CARS1: variants seen among roughly 807,000 people sequenced by gnomAD.
The protein encoded by CARS1 is cysteine--tRNA ligase, cytoplasmic.
In CARS1, 48 loss-of-function variants were observed where a neutral mutation model predicts 106.2. The ratio of observed to expected loss-of-function variants is 0.45; its 90% CI spans 0.36 to 0.57. CARS1 has a LOEUF of 0.57. Ranked by LOEUF, CARS1 falls within the 20% of genes least tolerant of loss-of-function variation. The pLI is 0.00. For synonymous variants in CARS1, 409 were observed against 403.4 expected (o/e 1.01, Z -0.17); for missense variants, 968 against 1,057.2 (o/e 0.92, Z 1.17).
Position 3,034,213 on chromosome 11 carries a change from T to TTTTTG in CARS1, c.801+3832_801+3836dup, listed in dbSNP as rs903058649. On this transcript the variant is annotated intron_variant, in intron 7 of 22. Transcript: ENST00000380525. The surrounding 1 kb of genome is among the most constrained non-coding windows in gnomAD (Gnocchi z 6.3). ...GTTTGTTCTTTTTTTTGTTTTCTGT[T>TTTTTG]TTTTGTTTTGTTTTGTTTTGTTTTT... 1.4e-5 allele frequency among the ~76,000 whole-genome samples: 2 copies of TTTTTG among 142,952 alleles called. No individual in the cohort carries two copies. The highest frequency in any genetic ancestry group is 3.1e-5 in the Non-Finnish European group (2 of 64,130). 93.8% of individuals were successfully genotyped at this position (142,952 alleles called of 152,430 possible).
At chr11:3,031,120 T>C (rs898037899) in intron 7 of CARS1, 2 of 152,136 alleles carry the variant, frequency 1.3e-5, no homozygotes, top group Non-Finnish European at 2.9e-5. Flanking sequence ...TCAAAACCCA[T>C]GCAACAATCC....
rs779885639 is a variant in CARS1 at position 3,001,083 on chromosome 11, C to T, written c.*31G>A. 5 of 1,612,418 alleles carry T rather than the reference C, an allele frequency of 3.1e-6. No homozygotes were observed. The African/African-American group carries it at 6.7e-5, about 22-fold the overall frequency. On this transcript the variant is annotated 3_prime_UTR_variant, in exon 23 of 23. Transcript: ENST00000380525. ...GAGGCAGACAGCAGCCACTAGTCCA[C>T]AATGGTTTAAAAAGTCAGTCCTGTG...
At chr11:3,015,480 C>T (rs1850895171) in intron 17 of CARS1, among the ~76,000 whole-genome samples, 1 of 152,198 alleles carries the variant, frequency 6.6e-6, no homozygotes, top group Non-Finnish European at 1.5e-5. Flanking sequence ...GCCAAGTGGC[C>T]GCAGCAAAAT....
chr11:3,018,538 G>A (rs772663320), intron 13 of CARS1, 27 bp from the exon 14 acceptor site: 67 of 1,611,576 alleles, frequency 4.2e-5, no homozygotes, highest in Middle Eastern at 3.3e-4. Flanking sequence ...GACAGCCAAC[G>A]CCCTTATTCT....
chr11:3,001,953 G>A lies in CARS1; in HGVS notation c.2361+17C>T. 6.3e-7 allele frequency: 1 copy of A among 1,577,968 alleles called. No individual in the cohort carries two copies. Among genetic ancestry groups the A allele is most frequent in the Non-Finnish European group, 8.7e-7 (1 of 1,147,182 alleles). On this transcript the variant is annotated intron_variant, in intron 22 of 22. Transcript: ENST00000380525. ...GATCAAGTTCTGAATAGAAGAGAAG[G>A]ATGCTTACATGCTTACATTTTCATC...
In CARS1 at chr11:3,029,491, T is replaced by A; in HGVS notation, c.802-48A>T. 1 of 1,599,928 alleles carries A rather than the reference T, an allele frequency of 6.3e-7. No homozygotes were observed. Among genetic ancestry groups the A allele is most frequent in the East Asian group, 2.2e-5 (1 of 44,738 alleles). On this transcript the variant is annotated intron_variant, in intron 7 of 22. Coordinates refer to ENST00000380525, the MANE Select transcript of CARS1 (RefSeq NM_001014437.3). This position sits in a 1 kb window ranked among gnomAD's most constrained non-coding sequence, Gnocchi z 5.9. ...CCAGCAGCGGGCCACACACTTCACATGAGAACATCTCGTGCAGCTGGTGTG... is the reference window on the plus strand; with the variant it reads ...CCAGCAGCGGGCCACACACTTCACAAGAGAACATCTCGTGCAGCTGGTGTG...
At chr11:3,051,478 C>T (rs1048113821) in intron 1 of CARS1, among the ~76,000 whole-genome samples, 6 of 152,126 alleles carry the variant, frequency 3.9e-5, no homozygotes, top group Non-Finnish European at 2.9e-5. Flanking sequence ...GGAGGCAGAC[C>T]CACAGAGGCA....
chr11:3,017,390 C>A lies in CARS1; in HGVS notation c.1728-95G>T, dbSNP rs929876928. On this transcript the variant is annotated intron_variant, in intron 15 of 22. Transcript: ENST00000380525. This position sits in a 1 kb window ranked among gnomAD's most constrained non-coding sequence, Gnocchi z 4.9. ...AGGCGCAGTGGCTCACGCCTATAATCCCAGCACTTTGGGAGGCTGAGGTGG... is the reference window on the plus strand; with the variant it reads ...AGGCGCAGTGGCTCACGCCTATAATACCAGCACTTTGGGAGGCTGAGGTGG... 68 of 1,142,882 alleles carry A rather than the reference C, an allele frequency of 5.9e-5. No individual in the cohort carries two copies. The African/African-American group carries it at 9.9e-4, about 17-fold the overall frequency. 70.8% of individuals were successfully genotyped at this position (1,142,882 alleles called of 1,614,324 possible). A position where few individuals can be genotyped will look rare whatever the true frequency, so the allele number is the denominator to read the frequency against.
At chr11:3,035,335 T>C (rs73411395) in intron 7 of CARS1, among the ~76,000 whole-genome samples, 3,531 of 151,688 alleles carry the variant, frequency 0.023, 147 homozygotes, top group African/African-American at 0.08. Context: ...TCAGGAGAGG[T>C]TGGAAAAAGG....
In CARS1 at chr11:3,043,140, C is replaced by T. The variant is rs78635289; in HGVS notation, c.275-884G>A. On this transcript the variant is annotated intron_variant, in intron 2 of 22. Coordinates refer to ENST00000380525, the MANE Select transcript of CARS1 (RefSeq NM_001014437.3). This position sits in a 1 kb window ranked among gnomAD's most constrained non-coding sequence, Gnocchi z 4.0. ...CCAGACTTCCCTAGTTGTTCCCCTCCACTCGCCTGTGGGCCGCCTGGGCTG... is the reference window on the plus strand; with the variant it reads ...CCAGACTTCCCTAGTTGTTCCCCTCTACTCGCCTGTGGGCCGCCTGGGCTG... Among the ~76,000 whole-genome samples the T allele has an allele frequency of 0.01, 1,592 of 152,298 alleles. 20 individuals are homozygous for T. Among genetic ancestry groups the T allele is most frequent in the Non-Finnish European group, 0.013 (914 of 68,006 alleles).
chr11:3,013,034 C>G (rs1174295995), intron 17 of CARS1, among the ~76,000 whole-genome samples: 2 of 151,836 alleles, frequency 1.3e-5, no homozygotes, highest in African/African-American at 4.8e-5. Context: ...GGATTACAGG[C>G]AAGCGCCACC....
rs529629955 is a variant in CARS1, at chr11:3,020,597, G to A, written c.1154-265C>T. The stretch of plus-strand genomic sequence containing the variant: ...ACTTGAGGCCACATCTGGGGTCTCC[G>A]TAAGACATTCACCTTCCTGCTGCCT... On this transcript the variant is annotated intron_variant, in intron 10 of 22. Transcript: ENST00000380525. The surrounding 1 kb of genome is among the most constrained non-coding windows in gnomAD (Gnocchi z 4.6). Among the ~76,000 whole-genome samples, 37 of 152,306 alleles carry A rather than the reference G, an allele frequency of 2.4e-4. No homozygotes were observed. The highest frequency in any genetic ancestry group is 7.9e-4 in the African/African-American group (33 of 41,558).
rs2134327422 is a variant in CARS1, at chr11:3,054,802, G to A, written c.25+2541C>T. The A allele has an allele frequency of 4.3e-6, 3 of 695,356 alleles. No individual in the cohort carries two copies. The East Asian group carries it at 8.1e-5, about 19-fold the overall frequency. The allele number at this position is 695,356 out of a possible 1,614,324, so 43.1% of individuals were successfully genotyped here. A position where few individuals can be genotyped will look rare whatever the true frequency, so the allele number is the denominator to read the frequency against. Reference sequence around the variant, plus strand: ...AGAGCAGTGCCTGGCACAGACTCATGCTGAAAAAATGCTGGCTGTGTTATT... The same window carrying A: ...AGAGCAGTGCCTGGCACAGACTCATACTGAAAAAATGCTGGCTGTGTTATT... On this transcript the variant is annotated intron_variant, in intron 1 of 22. Transcript: ENST00000380525.
intron 18 of CARS1, chr11:3,009,211 A>C (rs1850207245): frequency 6.6e-6 from 1 of 152,258 alleles, no homozygotes; most frequent in Non-Finnish European, 1.5e-5. Context: ...CTTCCATGGA[A>C]GAATAGACAG....
In CARS1 at chr11:3,038,828, T is replaced by C. The variant is rs991001845; in HGVS notation, c.651+366A>G. Among the ~76,000 whole-genome samples, 2 of 152,264 alleles carry C rather than the reference T, an allele frequency of 1.3e-5. No individual in the cohort carries two copies. The highest frequency in any genetic ancestry group is 2.9e-5 in the Non-Finnish European group (2 of 68,048). ...ACCAAATTAAAAAGCTTAGTATAGC[T>C]TTTGTATCTTGGGCAGAAGTTTCTG... On this transcript the variant is annotated intron_variant, in intron 6 of 22. Coordinates refer to ENST00000380525, the MANE Select transcript of CARS1 (RefSeq NM_001014437.3). This position sits in a 1 kb window ranked among gnomAD's most constrained non-coding sequence, Gnocchi z 4.0.
At chr11:3,014,246 C>G (rs900459447) in intron 17 of CARS1, among the ~76,000 whole-genome samples, 2 of 152,204 alleles carry the variant, frequency 1.3e-5, no homozygotes, top group Non-Finnish European at 2.9e-5. Flanking sequence ...GCAACCCCCA[C>G]CTGAGCATGC....
chr11:3,046,906 C>A lies in CARS1; in HGVS notation c.274+847G>T, dbSNP rs554608212. On this transcript the variant is annotated intron_variant, in intron 2 of 22. Transcript: ENST00000380525. This position sits in a 1 kb window ranked among gnomAD's most constrained non-coding sequence, Gnocchi z 5.8. Reference sequence around the variant, plus strand: ...TAACCACAGGCACGTTCCACAGACACAACCAGCACCAACAGGCTGGAGCTA... The same window carrying A: ...TAACCACAGGCACGTTCCACAGACAAAACCAGCACCAACAGGCTGGAGCTA... Among the ~76,000 whole-genome samples the A allele has an allele frequency of 6.6e-6, 1 of 152,318 alleles. No homozygotes were observed. Among genetic ancestry groups the A allele is most frequent in the African/African-American group, 2.4e-5 (1 of 41,586 alleles).
chr11:3,048,162 G>T lies in CARS1; in HGVS notation c.26-161C>A, dbSNP rs773751540. 6.6e-6 allele frequency among the ~76,000 whole-genome samples: 1 copy of T among 152,196 alleles called. No individual in the cohort carries two copies. Among genetic ancestry groups the T allele is most frequent in the Admixed American group, 6.5e-5 (1 of 15,274 alleles). On this transcript the variant is annotated intron_variant, in intron 1 of 22. Coordinates refer to ENST00000380525, the MANE Select transcript of CARS1 (RefSeq NM_001014437.3). This position sits in a 1 kb window ranked among gnomAD's most constrained non-coding sequence, Gnocchi z 5.1. ...GAACAGGCAAAGGCACAGGGGCAGC[G>T]CTTCGACTGGGGGCGAGGGAGTGAC...
rs960043642 is a variant in CARS1 at position 3,040,065 on chromosome 11, C to G, written c.456-134G>C. 11 of 561,090 alleles carry G rather than the reference C, an allele frequency of 2.0e-5. No individual in the cohort carries two copies. Among genetic ancestry groups the G allele is most frequent in the African/African-American group, 1.2e-4 (6 of 50,952 alleles). The allele number at this position is 561,090 out of a possible 1,614,324, so 34.8% of individuals were successfully genotyped here. ...CCATCCCTGAAACAGCAAGACCCCC[C>G]CTTCTCCTCCTCAGTCTACTCAACG... On this transcript the variant is annotated intron_variant, in intron 4 of 22. Coordinates refer to ENST00000380525, the MANE Select transcript of CARS1 (RefSeq NM_001014437.3). This position sits in a 1 kb window ranked among gnomAD's most constrained non-coding sequence, Gnocchi z 5.8.
Sources: allele counts gnomAD v4.1 joint callset (sites outside exome capture counted in the v4.1 genomes callset), GRCh38; gene constraint gnomAD v4.1.1; non-coding constraint Gnocchi (gnomAD v3.1); transcripts MANE v1.5; gene names NCBI Gene and HGNC (gene_info 2026-07-23, HGNC 2026-07-21).